EXT2: variants seen among roughly 807,000 people sequenced by gnomAD.
The protein encoded by EXT2 is exostosin-2.
EXT2 carries 53 observed loss-of-function variants against 81.6 expected under a neutral mutation model. The observed-to-expected ratio is 0.65, with a 90% confidence interval of 0.52 to 0.82. EXT2 has a LOEUF of 0.82. Ranked by LOEUF, EXT2 falls within the 40% of genes least tolerant of loss-of-function variation. EXT2 has a pLI of 0.00. For missense variants in EXT2, 774 were observed against 910.2 expected (o/e 0.85, Z 1.93); for synonymous variants, 320 against 340.0 (o/e 0.94, Z 0.65).
At chr11:44,213,456 A>G (rs1160465308) in intron 10 of EXT2, among the ~76,000 whole-genome samples, 1 of 152,166 alleles carries the variant, frequency 6.6e-6, no homozygotes, top group Non-Finnish European at 1.5e-5. Context: ...AGGTTATCAC[A>G]AAAAAAGCCT....
intron 13 of EXT2, among the ~76,000 whole-genome samples, chr11:44,241,457 A>C (rs913536585): frequency 6.6e-6 from 1 of 152,186 alleles, no homozygotes; most frequent in Non-Finnish European, 1.5e-5. Flanking sequence ...CATAGGTTCA[A>C]CAAATATTTA....
In EXT2 at chr11:44,244,167, G is replaced by A; in HGVS notation, c.2037G>A (p.Lys679=). 1.2e-6 allele frequency: 2 copies of A among 1,614,080 alleles called. No individual in the cohort carries two copies. Among genetic ancestry groups the A allele is most frequent in the Non-Finnish European group, 1.7e-6 (2 of 1,179,990 alleles). ...HMVERSECIN[K]FASVFGTMPL... is the part of the protein sequence containing the mutation. ...CCCACAGGTCAGAGTGCATCAACAA[G>A]TTTGCTTCAGTCTTCGGGACCATGC... The change falls in exon 14 of 14, where the codon AAG becomes AAA. Residue 679 remains lysine (K), a synonymous_variant. Coordinates refer to ENST00000533608, the MANE Select transcript of EXT2 (RefSeq NM_207122.2).
rs374953804 is a variant in EXT2, at chr11:44,166,847, T to C, written c.1174-4764T>C. Among the ~76,000 whole-genome samples the C allele has an allele frequency of 3.4e-4, 52 of 152,336 alleles. No homozygotes were observed. In the South Asian group the frequency reaches 0.01, roughly 30 times the overall value. On this transcript the variant is annotated intron_variant, in intron 7 of 13. Coordinates refer to ENST00000533608, the MANE Select transcript of EXT2 (RefSeq NM_207122.2). ...CTTTTGTTAGGAACTGAGTTTAACT[T>C]CTGCTCGGATAAGAAACTGCCTTCT...
At chr11:44,161,750 A>C (rs896495029) in intron 7 of EXT2, among the ~76,000 whole-genome samples, 7 of 152,184 alleles carry the variant, frequency 4.6e-5, no homozygotes, top group Admixed American at 4.6e-4. Context: ...CTATGTGAGC[A>C]AGGTTAACGT....
intron 7 of EXT2, among the ~76,000 whole-genome samples, chr11:44,159,394 C>T (rs1954900137): frequency 6.6e-6 from 1 of 151,800 alleles, no homozygotes; most frequent in Non-Finnish European, 1.5e-5. Flanking sequence ...TTAAAATATC[C>T]TCAAGTTCAG....
intron 10 of EXT2, among the ~76,000 whole-genome samples, chr11:44,209,494 G>A (rs1452910340): frequency 1.3e-5 from 2 of 152,184 alleles, no homozygotes; most frequent in Non-Finnish European, 2.9e-5. Flanking sequence ...ACTCAGTTTA[G>A]TGTTGAATCA....
At chr11:44,241,824 C>G (rs1590673964) in intron 13 of EXT2, among the ~76,000 whole-genome samples, 1 of 152,236 alleles carries the variant, frequency 6.6e-6, no homozygotes, top group East Asian at 1.9e-4. Flanking sequence ...TCTCCCCTAA[C>G]CTGCTCTCCA....
intron 10 of EXT2, among the ~76,000 whole-genome samples, chr11:44,228,023 A>G (rs972050501): frequency 6.6e-6 from 1 of 152,204 alleles, no homozygotes; most frequent in African/African-American, 2.4e-5. Context: ...CAGTTGGAGG[A>G]CGTTCTTACA....
chr11:44,221,350 T>C (rs577705403), intron 10 of EXT2, among the ~76,000 whole-genome samples: 1 of 152,286 alleles, frequency 6.6e-6, no homozygotes, highest in Admixed American at 6.5e-5. Context: ...TATCTCTGCT[T>C]CCAAACTAGT....
At chr11:44,119,165 T>TAC (rs1565201281) in intron 4 of EXT2, among the ~76,000 whole-genome samples, 16 of 48,042 alleles carry the variant, frequency 3.3e-4, no homozygotes, top group East Asian at 6.2e-4. Context: ...TATATATATA[T>TAC]ATATACACAT....
chr11:44,235,244 T>C (rs1214594370), intron 12 of EXT2, among the ~76,000 whole-genome samples: 1 of 134,154 alleles, frequency 7.5e-6, no homozygotes, highest in Non-Finnish European at 1.6e-5. Context: ...TTTTTTTTTT[T>C]TTTTTTGGTG....
rs189526478 is a variant in EXT2 at position 44,202,146 on chromosome 11, A to G, written c.1495+4128A>G. 2.1e-4 allele frequency among the ~76,000 whole-genome samples: 32 copies of G among 152,312 alleles called. No individual in the cohort carries two copies. In the East Asian group the frequency reaches 2.9e-3, roughly 14 times the overall value. On this transcript the variant is annotated intron_variant, in intron 9 of 13. Transcript: ENST00000533608. ...ATCTTAAAAAGCCATGATTCATTCT[A>G]TATTTCTACCTGCACCCCATATCAT...
intron 4 of EXT2, among the ~76,000 whole-genome samples, chr11:44,120,843 C>T (rs1384665972): frequency 6.6e-6 from 1 of 152,184 alleles, no homozygotes; most frequent in Non-Finnish European, 1.5e-5. Context: ...TGGGAGTTTA[C>T]AACTGTTACT....
At chr11:44,228,738 C>A (rs1955865331) in intron 10 of EXT2, among the ~76,000 whole-genome samples, 1 of 152,136 alleles carries the variant, frequency 6.6e-6, no homozygotes, top group Admixed American at 6.5e-5. Context: ...TAGTATCTGA[C>A]CCATTGTCAC....
At chr11:44,171,399 C>T (rs773875942) in intron 7 of EXT2, among the ~76,000 whole-genome samples, 1 of 152,228 alleles carries the variant, frequency 6.6e-6, no homozygotes. Flanking sequence ...GTGCATTTCA[C>T]TTGCTAACAT....
intron 9 of EXT2, among the ~76,000 whole-genome samples, chr11:44,204,411 C>T (rs1955557399): frequency 6.6e-6 from 1 of 152,028 alleles, no homozygotes; most frequent in Admixed American, 6.6e-5. Flanking sequence ...CCTATATAAA[C>T]AAAATCTCTT....
chr11:44,100,641 G>A (rs966499224), intron 1 of EXT2, among the ~76,000 whole-genome samples: 8 of 152,178 alleles, frequency 5.3e-5, no homozygotes, highest in African/African-American at 1.9e-4. Flanking sequence ...AAAGACAGAA[G>A]GCTCTATGGC....
chr11:44,122,035 T>A (rs1954325388), intron 4 of EXT2, among the ~76,000 whole-genome samples: 1 of 152,106 alleles, frequency 6.6e-6, no homozygotes, highest in Non-Finnish European at 1.5e-5. Context: ...TGCCTGGACA[T>A]CCTCTTTACT....
intron 7 of EXT2, among the ~76,000 whole-genome samples, chr11:44,145,922 T>C (rs1334941721): frequency 6.6e-6 from 1 of 152,228 alleles, no homozygotes; most frequent in Admixed American, 6.5e-5. Context: ...GGAAGAGGTA[T>C]GTGATGTCCA....
Sources: gnomAD v4.1 joint callset for allele counts (sites outside exome capture counted in the v4.1 genomes callset) on GRCh38, gnomAD v4.1.1 for gene constraint, MANE v1.5 for transcripts, NCBI Gene and HGNC (gene_info 2026-07-23, HGNC 2026-07-21) for gene names.